TOX: variants seen among roughly 807,000 people sequenced by gnomAD.
TOX encodes the protein thymocyte selection associated high mobility group box, also known as thymocyte selection-associated high mobility group box protein TOX.
TOX carries 11 observed loss-of-function variants against 53.7 expected under a neutral mutation model. That is an observed-to-expected ratio of 0.20 (90% confidence interval 0.13 to 0.34). TOX has a LOEUF of 0.34. Among genes scored for constraint, TOX ranks in the 10% least tolerant of loss-of-function variants. The probability of loss-of-function intolerance (pLI) is 1.00; values close to 1 mark genes in which losing one functional copy is unlikely to be tolerated. For missense variants in TOX, 570 were observed against 664.6 expected, an observed-to-expected ratio of 0.86 and a Z score of 1.56; for synonymous variants, 225 against 245.3, an observed-to-expected ratio of 0.92 and a Z score of 0.77.
chr8:58,885,262 G>T (rs1015609559), intron 3 of TOX, among the ~76,000 whole-genome samples: 1 of 151,922 alleles, frequency 6.6e-6, no homozygotes, highest in African/African-American at 2.4e-5. Flanking sequence ...ATAATTACTG[G>T]TACCTTATTT....
At chr8:58,979,860 T>C (rs1813168536) in intron 1 of TOX, among the ~76,000 whole-genome samples, 1 of 152,198 alleles carries the variant, frequency 6.6e-6, no homozygotes. Context: ...GCCTATCTCA[T>C]GGGTCATTGT....
intron 1 of TOX, among the ~76,000 whole-genome samples, chr8:58,984,176 C>T (rs1203714225): frequency 6.6e-6 from 1 of 151,956 alleles, no homozygotes; most frequent in Non-Finnish European, 1.5e-5. Flanking sequence ...GGGGCTAAAT[C>T]GACATTAAAA....
chr8:58,847,152 CA>C (rs1249405225), intron 4 of TOX, among the ~76,000 whole-genome samples: 1 of 152,030 alleles, frequency 6.6e-6, no homozygotes, highest in Non-Finnish European at 1.5e-5. Context: ...AGAATTCTTA[CA>C]AAGTTTTCAT....
intron 1 of TOX, among the ~76,000 whole-genome samples, chr8:59,030,589 A>C (rs908835484): frequency 3.9e-5 from 6 of 152,182 alleles, no homozygotes; most frequent in African/African-American, 1.4e-4. Flanking sequence ...AAAGTGTTCC[A>C]TCTGCTTCCA....
chr8:58,880,467 C>T (rs759068356), intron 3 of TOX, among the ~76,000 whole-genome samples: 7 of 152,140 alleles, frequency 4.6e-5, no homozygotes, highest in African/African-American at 7.2e-5. Context: ...TTTTAATGAA[C>T]TTAAGACTTT....
chr8:58,895,453 AC>A (rs1302953103), intron 3 of TOX, among the ~76,000 whole-genome samples: 3 of 152,258 alleles, frequency 2.0e-5, no homozygotes, highest in South Asian at 4.1e-4. Flanking sequence ...TAAAAGGAAT[AC>A]AAAAATCAAA....
At chr8:59,112,697 G>A (rs540575466) in intron 1 of TOX, among the ~76,000 whole-genome samples, 1 of 152,164 alleles carries the variant, frequency 6.6e-6, no homozygotes, top group South Asian at 2.1e-4. Context: ...AACAAATAAG[G>A]GAGCGTTCCA....
intron 1 of TOX, among the ~76,000 whole-genome samples, chr8:59,024,452 A>G (rs969492518): frequency 2.6e-5 from 4 of 152,220 alleles, no homozygotes; most frequent in African/African-American, 9.6e-5. Flanking sequence ...TAAGTGTCAA[A>G]GAAAATGGCC....
At chr8:58,957,370 G>T (rs780834193) in intron 2 of TOX, among the ~76,000 whole-genome samples, 2 of 152,152 alleles carry the variant, frequency 1.3e-5, no homozygotes, top group Non-Finnish European at 2.9e-5. Context: ...TACTTGTCAG[G>T]CTTATTATAA....
intron 1 of TOX, among the ~76,000 whole-genome samples, chr8:58,973,336 G>A (rs1813033712): frequency 6.6e-6 from 1 of 151,540 alleles, no homozygotes; most frequent in Non-Finnish European, 1.5e-5. Context: ...AGCTAATGTG[G>A]TTTCTCAAAA....
At chr8:58,906,519 C>T (rs1404546454) in intron 3 of TOX, among the ~76,000 whole-genome samples, 1 of 152,102 alleles carries the variant, frequency 6.6e-6, no homozygotes, top group Non-Finnish European at 1.5e-5. Flanking sequence ...CCTTGCTGAT[C>T]GCAATTACAA....
chr8:58,911,998 G>A (rs557494021), intron 3 of TOX, among the ~76,000 whole-genome samples: 11 of 152,146 alleles, frequency 7.2e-5, no homozygotes, highest in Admixed American at 1.3e-4. Flanking sequence ...CACCGTGCCC[G>A]GCCCAAATAC....
chr8:59,049,872 T>C (rs1001229179), intron 1 of TOX, among the ~76,000 whole-genome samples: 3 of 152,136 alleles, frequency 2.0e-5, no homozygotes, highest in Admixed American at 6.5e-5. Context: ...TCTTTTGGAA[T>C]GTAGTCAAAG....
chr8:59,027,461 T>A (rs879552070), intron 1 of TOX, among the ~76,000 whole-genome samples: 42 of 152,048 alleles, frequency 2.8e-4, no homozygotes, highest in Middle Eastern at 3.4e-3. Context: ...TTTTTTTTTT[T>A]AAATTTTTCA....
At chr8:58,822,971 G>A (rs541274456) in intron 6 of TOX, among the ~76,000 whole-genome samples, 8 of 152,156 alleles carry the variant, frequency 5.3e-5, no homozygotes, top group Admixed American at 2.0e-4. Flanking sequence ...ATAGGAACAC[G>A]TGTAAAATGC....
At chr8:58,872,500 G>T (rs1218948377) in intron 3 of TOX, among the ~76,000 whole-genome samples, 1 of 152,000 alleles carries the variant, frequency 6.6e-6, no homozygotes, top group African/African-American at 2.4e-5. Context: ...AGTGAAACCT[G>T]ACAAATACCA....
chr8:58,808,073 C>T (rs747708096), intron 8 of TOX, 45 bp downstream of exon 8: 2 of 1,580,608 alleles, frequency 1.3e-6, no homozygotes, highest in South Asian at 1.2e-5. Context: ...GATATGCATG[C>T]TATGAGCGCT....
At chr8:58,881,133 C>T (rs2726585) in intron 3 of TOX, among the ~76,000 whole-genome samples, 20,352 of 151,872 alleles carry the variant, frequency 0.13, 1,664 homozygotes, top group East Asian at 0.36. Flanking sequence ...AGGATTTCAC[C>T]GACCACAAAG....
At chr8:59,054,378 C>A (rs1001067654) in intron 1 of TOX, among the ~76,000 whole-genome samples, 13 of 152,100 alleles carry the variant, frequency 8.5e-5, no homozygotes, top group African/African-American at 3.1e-4. Flanking sequence ...AAGCTTCATC[C>A]AGTATTCCCA....
Sources: allele counts gnomAD v4.1 joint callset (sites outside exome capture counted in the v4.1 genomes callset), GRCh38; gene constraint gnomAD v4.1.1; transcripts MANE v1.5; gene names NCBI Gene and HGNC (gene_info 2026-07-23, HGNC 2026-07-21).